The following TNKS variants were observed in gnomAD, a reference collection of about 807,000 sequenced individuals.
The protein encoded by TNKS is tankyrase.
In TNKS, 72 loss-of-function variants were observed where a neutral mutation model predicts 135.8. The observed-to-expected ratio is 0.53, with a 90% CI of 0.44 to 0.64. TNKS has a LOEUF of 0.64. Ranked by LOEUF, TNKS falls within the 30% of genes least tolerant of loss-of-function variation. The probability of loss-of-function intolerance (pLI) is 0.00; values close to 1 mark genes in which losing one functional copy is unlikely to be tolerated. For missense variants in TNKS, 1,769 were observed against 1,674.0 expected (o/e 1.06, Z -0.99); for synonymous variants, 849 against 649.3 (o/e 1.31, Z -4.68).
intron 1 of TNKS, chr8:9,575,438 C>T (rs1240829799): frequency 2.3e-5 from 23 of 984,448 alleles, no homozygotes; most frequent in Non-Finnish European, 2.7e-5. Flanking sequence ...TAGACTTATT[C>T]TAAAGTTATA....
chr8:9,703,571 T>C (rs1803919168), intron 5 of TNKS, among the ~76,000 whole-genome samples: 1 of 152,222 alleles, frequency 6.6e-6, no homozygotes, highest in Non-Finnish European at 1.5e-5. Context: ...TTGATAGCTG[T>C]GCATTGCTCA....
At chr8:9,648,124 A>T (rs1417643125) in intron 3 of TNKS, among the ~76,000 whole-genome samples, 1 of 152,172 alleles carries the variant, frequency 6.6e-6, no homozygotes, top group Non-Finnish European at 1.5e-5. Context: ...TCCGTGAGTG[A>T]GTGGTGAGAG....
At chr8:9,652,448 G>C (rs999360190) in intron 3 of TNKS, among the ~76,000 whole-genome samples, 7 of 152,066 alleles carry the variant, frequency 4.6e-5, no homozygotes, top group Non-Finnish European at 8.8e-5. Context: ...ATCAATTTCT[G>C]TAGCTTCTCA....
chr8:9,746,920 G>A (rs972721624), intron 17 of TNKS, among the ~76,000 whole-genome samples: 1 of 129,022 alleles, frequency 7.8e-6, no homozygotes, highest in South Asian at 2.4e-4. Context: ...CCTTGCTCTG[G>A]TAACCAGGCT....
At position 9,611,709 on chromosome 8, in the gene TNKS, T is replaced by C. The variant is rs74437829; in HGVS notation, c.899-3873T>C. ...GTGCCATTCTTCTGGTATTAGAAAA[T>C]AGTCCCACATAAATCCCCATAGAGA... is the stretch of plus-strand genomic sequence containing the variant. On this transcript the variant is annotated intron_variant, in intron 2 of 26. Coordinates refer to ENST00000310430, the MANE Select transcript of TNKS (RefSeq NM_003747.3). Among the ~76,000 whole-genome samples, 669 of 152,280 alleles carry C rather than the reference T, an allele frequency of 4.4e-3. 2 individuals carry two copies. The highest frequency in any genetic ancestry group is 0.015 in the African/African-American group (638 of 41,554).
chr8:9,702,000 T>C (rs765406528), intron 5 of TNKS, among the ~76,000 whole-genome samples: 4 of 152,242 alleles, frequency 2.6e-5, no homozygotes, highest in Non-Finnish European at 4.4e-5. Context: ...CCACCAGCCA[T>C]AGTAAAAAGC....
At chr8:9,681,760 A>G (rs1407971291) in intron 5 of TNKS, among the ~76,000 whole-genome samples, 2 of 152,132 alleles carry the variant, frequency 1.3e-5, no homozygotes, top group East Asian at 1.9e-4. Flanking sequence ...CTTTTCTGTG[A>G]GTGATAATTT....
chr8:9,620,981 A>T (rs961660877), intron 3 of TNKS, among the ~76,000 whole-genome samples: 7 of 152,360 alleles, frequency 4.6e-5, no homozygotes, highest in African/African-American at 1.2e-4. Flanking sequence ...CTAAGGTCCG[A>T]TTACTGATAA....
intron 5 of TNKS, among the ~76,000 whole-genome samples, chr8:9,702,529 G>C (rs973358625): frequency 5.3e-5 from 8 of 152,058 alleles, no homozygotes; most frequent in South Asian, 2.1e-4. Context: ...AAATATTAAA[G>C]GAAGGAAAAA....
intron 3 of TNKS, among the ~76,000 whole-genome samples, chr8:9,616,856 T>C (rs1799663362): frequency 6.6e-6 from 1 of 152,174 alleles, no homozygotes; most frequent in Non-Finnish European, 1.5e-5. Context: ...GTAGTGAAAT[T>C]AAAATACATA....
intron 1 of TNKS, among the ~76,000 whole-genome samples, chr8:9,570,139 A>G (rs1288306525): frequency 6.6e-6 from 1 of 152,216 alleles, no homozygotes; most frequent in African/African-American, 2.4e-5. Context: ...TTTTTGAACC[A>G]TTTATTGAAT....
At position 9,657,592 on chromosome 8, in the gene TNKS, G is replaced by A. The variant is rs1323307273; in HGVS notation, c.995-22359G>A. ...CACCTCCCAGACGGGGCGGCTGGCC[G>A]GGCGGAGGGCTGACCCCCCTACCTC... is the stretch of plus-strand genomic sequence containing the variant. On this transcript the variant is annotated intron_variant, in intron 3 of 26. Transcript: ENST00000310430. Among the ~76,000 whole-genome samples the A allele has an allele frequency of 6.4e-4, 53 of 83,464 alleles. 1 individual carries two copies. The highest frequency in any genetic ancestry group is 2.0e-3 in the African/African-American group (42 of 21,218). The allele number at this position is 83,464 out of a possible 152,430, so 54.8% of individuals were successfully genotyped here. A position where few individuals can be genotyped will look rare whatever the true frequency, so the allele number is the denominator to read the frequency against.
intron 2 of TNKS, among the ~76,000 whole-genome samples, chr8:9,599,579 G>T (rs1407928525): frequency 6.6e-6 from 1 of 152,120 alleles, no homozygotes; most frequent in South Asian, 2.1e-4. Flanking sequence ...GAGATACTTT[G>T]TTACACTCAA....
chr8:9,710,343 C>G (rs1341548308), intron 11 of TNKS, 123 bp downstream of exon 11: 6 of 846,972 alleles, frequency 7.1e-6, no homozygotes, highest in Middle Eastern at 2.2e-4. Flanking sequence ...TTAGTTCGTA[C>G]TTAAATTCAT....
chr8:9,615,722 C>T, intron 3 of TNKS, 45 bp downstream of exon 3: 2 of 1,451,318 alleles, frequency 1.4e-6, no homozygotes, highest in Non-Finnish European at 1.9e-6. Flanking sequence ...TGTGTAACTC[C>T]TTACTTGATT....
chr8:9,713,745 C>G (rs907684263), intron 11 of TNKS, among the ~76,000 whole-genome samples: 6 of 152,174 alleles, frequency 3.9e-5, no homozygotes, highest in African/African-American at 1.4e-4. Context: ...TACCCCATCC[C>G]AAGGCAGGAT....
At chr8:9,653,977 A>C (rs569171339) in intron 3 of TNKS, among the ~76,000 whole-genome samples, 24 of 151,856 alleles carry the variant, frequency 1.6e-4, no homozygotes, top group Non-Finnish European at 7.4e-5. Context: ...TAGGCTCTTC[A>C]TGGTTTGAGG....
intron 20 of TNKS, among the ~76,000 whole-genome samples, chr8:9,756,034 A>C (rs115828493): frequency 6.6e-6 from 1 of 152,166 alleles, no homozygotes; most frequent in Non-Finnish European, 1.5e-5. Context: ...GTACCTATGA[A>C]CATAGGTAGG....
At chr8:9,718,664 T>C (rs2128811950) in intron 11 of TNKS, among the ~76,000 whole-genome samples, 1 of 152,292 alleles carries the variant, frequency 6.6e-6, no homozygotes, top group South Asian at 2.1e-4. Flanking sequence ...TTGCAATCTC[T>C]AGATACAAGG....
Sources: allele counts gnomAD v4.1 joint callset (sites outside exome capture counted in the v4.1 genomes callset), GRCh38; gene constraint gnomAD v4.1.1; transcripts MANE v1.5; gene names NCBI Gene and HGNC (gene_info 2026-07-23, HGNC 2026-07-21).